XKR3: variants seen among roughly 807,000 people sequenced by gnomAD.
The protein encoded by XKR3 is XK-related protein 3.
A neutral mutation model predicts 40.3 loss-of-function variants in XKR3; 27 were observed. The ratio of observed to expected loss-of-function variants is 0.67; its 90% CI spans 0.49 to 0.92. The LOEUF (loss-of-function observed/expected upper bound fraction) is 0.92. Among genes scored for constraint, XKR3 ranks in the 40% least tolerant of loss-of-function variants. The pLI, the probability that XKR3 is intolerant of heterozygous loss-of-function variation, is 0.00. For missense variants in XKR3, 472 were observed against 537.6 expected, an observed-to-expected ratio of 0.88 and a Z score of 1.21; for synonymous variants, 193 against 195.4, an observed-to-expected ratio of 0.99 and a Z score of 0.10.
intron 1 of XKR3, among the ~76,000 whole-genome samples, chr22:16,811,677 C>G (rs2146172585): frequency 6.6e-6 from 1 of 152,148 alleles, no homozygotes; most frequent in African/African-American, 2.4e-5. Flanking sequence ...ACTGCCAACT[C>G]CTTTCTAGAT....
chr22:16,811,281 C>A (rs1312140654), intron 1 of XKR3, among the ~76,000 whole-genome samples: 1 of 152,044 alleles, frequency 6.6e-6, no homozygotes, highest in Non-Finnish European at 1.5e-5. Flanking sequence ...ACCACCCGAC[C>A]TGACTACTTT....
In XKR3 at chr22:16,783,717, T is replaced by C; in HGVS notation, c.1282A>G (p.Lys428Glu). ...TGCTTATTTTTATTCTTTTCAGTTT[T>C]CTCGATGTTTACATAATAGTACGGT... ...EAPYYYVNIE[K>E]TEKNKNKQLR... The change falls in exon 4 of 4, where the codon AAA (lysine) becomes GAA (glutamate). Residue 428 changes from lysine to glutamate, a missense_variant. Transcript: ENST00000684488. 4.3e-6 allele frequency: 7 copies of C among 1,614,108 alleles called. No individual in the cohort carries two copies. Among genetic ancestry groups the C allele is most frequent in the Non-Finnish European group, 5.9e-6 (7 of 1,180,032 alleles).
In XKR3 at chr22:16,798,372, A is replaced by G. The variant is rs1601843497; in HGVS notation, c.589+1399T>C. Among the ~76,000 whole-genome samples the G allele has an allele frequency of 2.0e-5, 3 of 152,218 alleles. No individual in the cohort carries two copies. The East Asian group carries it at 5.8e-4, about 29-fold the overall frequency. ...AGGGGAATGCTTACACACTGCTGAT[A>G]GAAGTATAAGTTAGATCAGCCATTG... On this transcript the variant is annotated intron_variant, in intron 3 of 3. Transcript: ENST00000684488.
At chr22:16,817,351 C>T (rs200654485) in intron 1 of XKR3, among the ~76,000 whole-genome samples, 6 of 47,850 alleles carry the variant, frequency 1.3e-4, no homozygotes, top group African/African-American at 3.1e-4. Context: ...ATCGAACGTC[C>T]ACCAATCAGT....
rs1392370482 is a variant in XKR3, at chr22:16,783,671, G to C, written c.1328C>G (p.Ser443Cys). ...KNKQLRNYCH[S>C]CNRVGYFSIR... ...TGAAAAATATCCAACCCTATTGCAG[G>C]AGTGACAGTAATTCCTCAGCTGCTT... The change falls in exon 4 of 4, where the codon TCC (serine) becomes TGC (cysteine). Residue 443 changes from serine (S) to cysteine (C), a missense_variant. Ser to Cys is a moderately radical substitution (Grantham distance 112, BLOSUM62 -1). Transcript: ENST00000684488. 6.2e-7 allele frequency: 1 copy of C among 1,611,312 alleles called. No homozygotes were observed.
At chr22:16,807,160 G>A (rs966934614) in intron 2 of XKR3, among the ~76,000 whole-genome samples, 1 of 152,090 alleles carries the variant, frequency 6.6e-6, no homozygotes, top group African/African-American at 2.4e-5. Flanking sequence ...TAAGAATTTA[G>A]AACTATGAGT....
At position 16,784,164 on chromosome 22, in the gene XKR3, G is replaced by A; in HGVS notation, c.835C>T (p.Pro279Ser). Reference sequence around the variant, plus strand: ...CCACTTTTCCAAAACTCCAGCCACGGTGCCAACAATGATACAAAATATATG... The same window carrying A: ...CCACTTTTCCAAAACTCCAGCCACGATGCCAACAATGATACAAAATATATG... Reference protein sequence around the residue: ...LIIYFVSLLAPWLEFWKSGAH... With the variant: ...LIIYFVSLLASWLEFWKSGAH... Residue 279 changes from proline (P) to serine (S), a missense_variant, in exon 4 of 4, where the codon CCG becomes TCG. By Grantham distance (74) the Pro-to-Ser change is moderately conservative. Transcript: ENST00000684488. 2 of 1,614,180 alleles carry A rather than the reference G, an allele frequency of 1.2e-6. No individual in the cohort carries two copies. The highest frequency in any genetic ancestry group is 1.7e-6 in the Non-Finnish European group (2 of 1,180,044).
At chr22:16,816,104 C>T (rs1255348326) in intron 1 of XKR3, among the ~76,000 whole-genome samples, 2 of 151,752 alleles carry the variant, frequency 1.3e-5, no homozygotes, top group South Asian at 2.1e-4. Flanking sequence ...TTTCTCAATC[C>T]AGTGTTAGAG....
intron 3 of XKR3, among the ~76,000 whole-genome samples, chr22:16,798,743 A>T (rs1332382996): frequency 1.3e-5 from 2 of 152,242 alleles, no homozygotes. Flanking sequence ...ATCCTAAGCA[A>T]ATCAATGCAG....
At chr22:16,813,079 T>C (rs898576759) in intron 1 of XKR3, among the ~76,000 whole-genome samples, 2 of 152,116 alleles carry the variant, frequency 1.3e-5, no homozygotes, top group Admixed American at 6.5e-5. Context: ...GGTCAGGAGA[T>C]AGAGATCATC....
chr22:16,797,106 T>A (rs1189704349), intron 3 of XKR3, among the ~76,000 whole-genome samples: 4 of 152,206 alleles, frequency 2.6e-5, no homozygotes, highest in Admixed American at 6.5e-5. Flanking sequence ...CTAGGATAAC[T>A]GGCTAGCCAT....
chr22:16,797,504 T>C (rs1319414845), intron 3 of XKR3, among the ~76,000 whole-genome samples: 1 of 152,026 alleles, frequency 6.6e-6, no homozygotes, highest in African/African-American at 2.4e-5. Context: ...AAAAAATAGG[T>C]AAAAGTGGCC....
chr22:16,784,388 A>G lies in XKR3; in HGVS notation c.611T>C (p.Leu204Pro), dbSNP rs1234551672. The G allele has an allele frequency of 4.3e-5, 68 of 1,599,586 alleles. No homozygotes were observed. In the East Asian group the frequency reaches 1.5e-3, roughly 34 times the overall value. The change falls in exon 4 of 4, where the codon CTG (leucine) becomes CCG (proline). Residue 204 changes from leucine to proline, a missense_variant. Transcript: ENST00000684488. ...AATGGCCCCATAAGTAACTGATAAC[A>G]GGGAAAATGTCATCAGCAATGCTAT... ...LNRALLMTFS[L>P]LSVTYGAIRC...
chr22:16,786,121 G>A (rs2060089731), intron 3 of XKR3, among the ~76,000 whole-genome samples: 1 of 152,072 alleles, frequency 6.6e-6, no homozygotes, highest in African/African-American at 2.4e-5. Flanking sequence ...ATGTTCGAAA[G>A]TAAAATTTGG....
chr22:16,799,982 A>AT lies in XKR3; in HGVS notation c.377dup (p.Asn126LysfsTer3). 6.2e-7 allele frequency: 1 copy of AT among 1,614,056 alleles called. No homozygotes were observed. The highest frequency in any genetic ancestry group is 8.5e-7 in the Non-Finnish European group (1 of 1,179,994). On this transcript the variant is annotated frameshift_variant, in exon 3 of 4. Coordinates refer to ENST00000684488, the MANE Select transcript of XKR3 (RefSeq NM_001386955.1). LOFTEE classifies it high-confidence loss of function. ...GAGTCTCTTCCTTCTCCTGTTTAAG[A>AT]TTTTTCAACCATTTGTGGTAATTTC...
At position 16,825,293 on chromosome 22, in the gene XKR3, T is replaced by G. The variant is rs889615360; in HGVS notation, c.-13A>C. ...GGTCGAGGGCTGCTCCTACTTACCT[T>G]GCCTATTTGCCACCCTCACAGTTTT... On this transcript the variant is annotated splice_region_variant and 5_prime_UTR_variant, in exon 1 of 4. Transcript: ENST00000684488. Among the ~76,000 whole-genome samples the G allele has an allele frequency of 2.0e-5, 3 of 152,198 alleles. No homozygotes were observed. The highest frequency in any genetic ancestry group is 4.1e-4 in the South Asian group (2 of 4,826).
intron 3 of XKR3, among the ~76,000 whole-genome samples, chr22:16,795,331 G>C (rs2060135989): frequency 2.0e-5 from 3 of 152,004 alleles, no homozygotes; most frequent in Non-Finnish European, 2.9e-5. Flanking sequence ...AATTAAGGCA[G>C]AAATTAAAAT....
chr22:16,799,712 T>C, intron 3 of XKR3, 59 bp downstream of exon 3: 1 of 1,542,258 alleles, frequency 6.5e-7, no homozygotes. Flanking sequence ...CAATTTCTAT[T>C]ATATTAGTAC....
Position 16,783,567 on chromosome 22 carries a change from A to T in XKR3, c.*52T>A. On this transcript the variant is annotated 3_prime_UTR_variant, in exon 4 of 4. Coordinates refer to ENST00000684488, the MANE Select transcript of XKR3 (RefSeq NM_001386955.1). ...TTTTAAATTTAAGAGCCTCTTAACAAGTCACATTCAGCATCTTTACTCATT... is the reference window on the plus strand; with the variant it reads ...TTTTAAATTTAAGAGCCTCTTAACATGTCACATTCAGCATCTTTACTCATT... The T allele has an allele frequency of 7.2e-7, 1 of 1,394,158 alleles. No homozygotes were observed. The allele number at this position is 1,394,158 out of a possible 1,614,324, so 86.4% of individuals were successfully genotyped here.
Sources: allele counts gnomAD v4.1 joint callset (sites outside exome capture counted in the v4.1 genomes callset), GRCh38; gene constraint gnomAD v4.1.1; transcripts MANE v1.5; gene names NCBI Gene and HGNC (gene_info 2026-07-23, HGNC 2026-07-21).